The following MSN variants were observed in gnomAD, a reference collection of about 807,000 sequenced individuals.
MSN encodes the protein epididymis luminal protein 70.
Under a neutral mutation model 48.0 loss-of-function variants are expected in MSN, and 2 were observed. That is an observed-to-expected ratio of 0.04 (90% confidence interval 0.02 to 0.13). The LOEUF is 0.13. Among genes scored for constraint, MSN ranks in the 10% least tolerant of loss-of-function variants. MSN has a pLI of 1.00. For synonymous variants in MSN, 146 were observed against 166.9 expected (o/e 0.87, Z 0.97); for missense variants, 267 against 470.1 (o/e 0.57, Z 3.99).
Position 65,733,300 on chromosome X carries a change from G to T in MSN, c.795+20G>T. 1.8e-6 allele frequency: 2 copies of T among 1,131,158 alleles called. No homozygotes were observed. The highest frequency in any genetic ancestry group is 2.4e-6 in the Non-Finnish European group (2 of 822,978). The allele number at this position is 1,131,158 out of a possible 1,213,427, so 93.2% of individuals were successfully genotyped here. On this transcript the variant is annotated intron_variant, in intron 7 of 12. Coordinates refer to ENST00000360270, the MANE Select transcript of MSN (RefSeq NM_002444.3). ...GCCCCGGTGAGTGATTCCTCCCTCTGACCAAGACAGGTACTTGCCAAGGCC... is the reference window on the plus strand; with the variant it reads ...GCCCCGGTGAGTGATTCCTCCCTCTTACCAAGACAGGTACTTGCCAAGGCC...
intron 1 of MSN, among the ~76,000 whole-genome samples, chrX:65,647,081 G>C (rs1352524553): frequency 8.9e-6 from 1 of 111,959 alleles, no homozygotes; most frequent in Admixed American, 9.5e-5. Flanking sequence ...CACTGTTCCT[G>C]CCTTAATGAA....
intron 4 of MSN, among the ~76,000 whole-genome samples, chrX:65,730,203 T>C (rs2071609394): frequency 8.9e-6 from 1 of 112,197 alleles, no homozygotes; most frequent in Admixed American, 9.4e-5. Flanking sequence ...ATTATTTTTG[T>C]TTTTGTATCA....
At chrX:65,599,714 A>G (rs986477051) in intron 1 of MSN, among the ~76,000 whole-genome samples, 1 of 111,810 alleles carries the variant, frequency 8.9e-6, no homozygotes, top group Admixed American at 9.5e-5. Context: ...CACAAGGGGT[A>G]GGAGTGCTTG....
chrX:65,631,440 G>A (rs2070557966), intron 1 of MSN, among the ~76,000 whole-genome samples: 1 of 111,063 alleles, frequency 9.0e-6, no homozygotes, highest in Non-Finnish European at 1.9e-5. Flanking sequence ...TGTTTTCCAT[G>A]CATTTAATTT....
chrX:65,740,037 C>G lies in MSN; in HGVS notation c.*144C>G. The G allele has an allele frequency of 1.6e-6, 1 of 617,304 alleles. No homozygotes were observed. Among genetic ancestry groups the G allele is most frequent in the Non-Finnish European group, 2.4e-6 (1 of 419,540 alleles). The allele number at this position is 617,304 out of a possible 1,213,427, so 50.9% of individuals were successfully genotyped here. A position where few individuals can be genotyped will look rare whatever the true frequency, so the allele number is the denominator to read the frequency against. The stretch of plus-strand genomic sequence containing the variant: ...CCAAGCATTTAATGTAGCCATGGGA[C>G]CAAACCTAGCCCCTTAGCCCCCACC... On this transcript the variant is annotated 3_prime_UTR_variant, in exon 13 of 13. Transcript: ENST00000360270.
At chrX:65,680,287 A>G (rs186215890) in intron 1 of MSN, among the ~76,000 whole-genome samples, 19 of 112,176 alleles carry the variant, frequency 1.7e-4, no homozygotes, top group Admixed American at 1.6e-3. Flanking sequence ...TTCTTGTCGT[A>G]TCTCATATAT....
chrX:65,639,936 T>G (rs2070635946), intron 1 of MSN, among the ~76,000 whole-genome samples: 1 of 111,760 alleles, frequency 8.9e-6, no homozygotes, highest in Non-Finnish European at 1.9e-5. Flanking sequence ...AAACATTTAC[T>G]GAGCACCTAC....
intron 10 of MSN, among the ~76,000 whole-genome samples, chrX:65,737,656 G>A (rs2071691528): frequency 8.9e-6 from 1 of 112,342 alleles, no homozygotes; most frequent in Non-Finnish European, 1.9e-5. Flanking sequence ...ATGTTGCTGT[G>A]TTGGGAATAT....
chrX:65,618,226 C>T lies in MSN; in HGVS notation c.-22+29614C>T, dbSNP rs924208534. Among the ~76,000 whole-genome samples the T allele has an allele frequency of 2.7e-5, 3 of 111,505 alleles. No individual in the cohort carries two copies. The East Asian group carries it at 8.4e-4, about 31-fold the overall frequency. On this transcript the variant is annotated intron_variant, in intron 1 of 3. Transcript: ENST00000609672. ...GTTCTTTAGATGTCTATTAGGTCCG[C>T]TTGGTGCAGAGCTGAGTTCAATTCC...
intron 1 of MSN, among the ~76,000 whole-genome samples, chrX:65,651,642 C>T (rs1197984754): frequency 5.6e-5 from 6 of 106,506 alleles, no homozygotes. Context: ...GGCTGGAGTG[C>T]AATGGCACGA....
At chrX:65,683,393 G>GCCGCCACCACCACCACCACCACCA (rs1170159142) in intron 1 of MSN, among the ~76,000 whole-genome samples, 2 of 91,285 alleles carry the variant, frequency 2.2e-5, no homozygotes, top group African/African-American at 8.7e-5. Context: ...TGCCGCCGCC[G>GCCGCCACCACCACCACCACCACCA]CCACCACCAC....
Position 65,741,453 on chromosome X carries a change from A to C in MSN, c.*1560A>C, listed in dbSNP as rs2071736082. On this transcript the variant is annotated 3_prime_UTR_variant, in exon 13 of 13. Transcript: ENST00000360270. The stretch of plus-strand genomic sequence containing the variant: ...AAATGACATTTTGCCAAAATTATTA[A>C]TATAAGAAGCTTTCAGTATTAGTGA... 1.2e-5 allele frequency: 2 copies of C among 167,258 alleles called. No individual in the cohort carries two copies. Among genetic ancestry groups the C allele is most frequent in the African/African-American group, 3.0e-5 (1 of 33,373 alleles). The allele number at this position is 167,258 out of a possible 1,213,427, so 13.8% of individuals were successfully genotyped here. A position where few individuals can be genotyped will look rare whatever the true frequency, so the allele number is the denominator to read the frequency against.
chrX:65,686,798 C>T lies in MSN; in HGVS notation c.12+18945C>T, dbSNP rs188781757. Among the ~76,000 whole-genome samples, 436 of 112,029 alleles carry T rather than the reference C, an allele frequency of 3.9e-3. 1 individual carries two copies. The highest frequency in any genetic ancestry group is 5.2e-3 in the Non-Finnish European group (275 of 53,232). ...AGTGGAAGGCTCTGAAATGTTAGCT[C>T]GTAGAAAATCAAGTGTTCAGGATTC... On this transcript the variant is annotated intron_variant, in intron 1 of 12. Transcript: ENST00000360270.
intron 2 of MSN, among the ~76,000 whole-genome samples, chrX:65,721,548 C>T (rs1274883541): frequency 1.8e-5 from 2 of 109,388 alleles, no homozygotes; most frequent in African/African-American, 6.8e-5. Context: ...GCAATAAGGA[C>T]AGTAAACCTT....
At chrX:65,716,750 A>G in intron 1 of MSN, 68 bp from the exon 2 acceptor site, 1 of 977,666 alleles carries the variant, frequency 1.0e-6, no homozygotes, top group Non-Finnish European at 1.5e-6. Flanking sequence ...TTGAGCAGAG[A>G]CACTTGTCTC....
chrX:65,702,243 C>T (rs2071313140), intron 1 of MSN, among the ~76,000 whole-genome samples: 1 of 104,555 alleles, frequency 9.6e-6, no homozygotes, highest in African/African-American at 3.5e-5. Context: ...GAACTCCTGG[C>T]CTCAAGTGAT....
upstream of MSN, among the ~76,000 whole-genome samples, chrX:65,664,642 C>T (rs2070852704): frequency 9.2e-6 from 1 of 108,909 alleles, no homozygotes; most frequent in Non-Finnish European, 1.9e-5. Context: ...CCATCCTCTC[C>T]TCCCCAGAGG....
chrX:65,736,406 C>G (rs1174459076), intron 8 of MSN, among the ~76,000 whole-genome samples: 1 of 107,725 alleles, frequency 9.3e-6, no homozygotes, highest in African/African-American at 3.5e-5. Context: ...GTTGAGAGAC[C>G]CAGAGGCAGC....
At chrX:65,654,851 T>C (rs1386094856) in intron 1 of MSN, among the ~76,000 whole-genome samples, 2 of 111,650 alleles carry the variant, frequency 1.8e-5, no homozygotes, top group East Asian at 2.8e-4. Flanking sequence ...CACCTATGAC[T>C]GTTTTTTCAG....
Sources: gnomAD v4.1 joint callset for allele counts (sites outside exome capture counted in the v4.1 genomes callset) on GRCh38, gnomAD v4.1.1 for gene constraint, MANE v1.5 for transcripts, NCBI Gene and HGNC (gene_info 2026-07-23, HGNC 2026-07-21) for gene names.